Variants in SIPA1L2 observed in about 807,000 individuals in gnomAD.
The protein encoded by SIPA1L2 is signal-induced proliferation-associated 1-like protein 2.
A neutral mutation model predicts 163.9 loss-of-function variants in SIPA1L2; 56 were observed. The ratio of observed to expected loss-of-function variants is 0.34; its 90% CI spans 0.28 to 0.43. The LOEUF is 0.43. Ranked by LOEUF, SIPA1L2 falls within the 20% of genes least tolerant of loss-of-function variation. The pLI is 1.00. For missense variants in SIPA1L2, 1,974 were observed against 2,193.5 expected, an observed-to-expected ratio of 0.90 and a Z score of 2.00; for synonymous variants, 877 against 865.7, an observed-to-expected ratio of 1.01 and a Z score of -0.23.
At chr1:232,602,765 A>G (rs188864159) in intron 1 of SIPA1L2, among the ~76,000 whole-genome samples, 12 of 152,372 alleles carry the variant, frequency 7.9e-5, no homozygotes, top group Admixed American at 5.9e-4. Flanking sequence ...AGACAGCGGT[A>G]TCTACAGAAA....
intron 21 of SIPA1L2, chr1:232,402,733 G>T: frequency 3.6e-6 from 1 of 275,622 alleles, no homozygotes; most frequent in Non-Finnish European, 6.9e-6. Context: ...TATTTAAGTT[G>T]GTTTATCCAA....
chr1:232,604,270 C>T (rs1558298989), intron 1 of SIPA1L2, among the ~76,000 whole-genome samples: 1 of 152,180 alleles, frequency 6.6e-6, no homozygotes, highest in Admixed American at 6.5e-5. Flanking sequence ...TGTATTTTGA[C>T]TTTAAAAACC....
rs887820082 is a variant in SIPA1L2 at position 232,398,082 on chromosome 1, T to A, written c.*1045A>T. 1 of 152,634 alleles carries A rather than the reference T, an allele frequency of 6.6e-6. No homozygotes were observed. The highest frequency in any genetic ancestry group is 2.4e-5 in the African/African-American group (1 of 41,440). The allele number at this position is 152,634 out of a possible 1,614,324, so 9.5% of individuals were successfully genotyped here. On this transcript the variant is annotated 3_prime_UTR_variant, in exon 23 of 23. Transcript: ENST00000674635. ...ACAATGTGTTACTAGCAGCATCCAG[T>A]CGTTAGAATCTCTCACCCTGCTTCT... is the stretch of plus-strand genomic sequence containing the variant.
chr1:232,565,914 T>C (rs1265993333), intron 2 of SIPA1L2, among the ~76,000 whole-genome samples: 1 of 152,224 alleles, frequency 6.6e-6, no homozygotes, highest in African/African-American at 2.4e-5. Flanking sequence ...TAGTATACAC[T>C]GTCAGGGTTA....
chr1:232,507,037 G>GT (rs1237109713), intron 3 of SIPA1L2, among the ~76,000 whole-genome samples: 1 of 152,088 alleles, frequency 6.6e-6, no homozygotes, highest in Non-Finnish European at 1.5e-5. Context: ...AATCAATACT[G>GT]TTATGTTATT....
At chr1:232,437,009 A>G (rs1055977967) in intron 15 of SIPA1L2, among the ~76,000 whole-genome samples, 15 of 152,198 alleles carry the variant, frequency 9.9e-5, no homozygotes, top group African/African-American at 3.6e-4. Flanking sequence ...GGCGGAAGAA[A>G]GTAAAATCAA....
chr1:232,509,156 TCA>T (rs1666869579), intron 3 of SIPA1L2, among the ~76,000 whole-genome samples: 2 of 152,250 alleles, frequency 1.3e-5, no homozygotes, highest in Non-Finnish European at 2.9e-5. Flanking sequence ...AGCGATGTTG[TCA>T]CACAGTTTCC....
intron 12 of SIPA1L2, among the ~76,000 whole-genome samples, chr1:232,443,194 T>C (rs913657226): frequency 6.6e-6 from 1 of 152,208 alleles, no homozygotes; most frequent in East Asian, 1.9e-4. Context: ...GCGTGGATAC[T>C]ATAAAGGGCA....
intron 1 of SIPA1L2, among the ~76,000 whole-genome samples, chr1:232,578,005 T>C (rs996528531): frequency 5.9e-5 from 9 of 152,148 alleles, no homozygotes; most frequent in South Asian, 2.1e-4. Flanking sequence ...GTAAACTTCA[T>C]TGTTGTCTTA....
chr1:232,457,331 T>C (rs1663977800), intron 10 of SIPA1L2, among the ~76,000 whole-genome samples: 1 of 152,210 alleles, frequency 6.6e-6, no homozygotes, highest in Non-Finnish European at 1.5e-5. Flanking sequence ...CGGGAGTTGA[T>C]AAATGGCAAA....
Position 232,398,003 on chromosome 1 carries a change from G to C in SIPA1L2, c.*1124C>G, listed in dbSNP as rs1426892376. On this transcript the variant is annotated 3_prime_UTR_variant, in exon 23 of 23. Coordinates refer to ENST00000674635, the MANE Select transcript of SIPA1L2 (RefSeq NM_020808.5). ...CTTCTTTTAAACATTTATTAAAAAA[G>C]CAAAATGTATGTTCATCTCAAATCT... 1.3e-5 allele frequency: 2 copies of C among 152,476 alleles called. No individual in the cohort carries two copies. Among genetic ancestry groups the C allele is most frequent in the East Asian group, 3.9e-4 (2 of 5,186 alleles). The allele number at this position is 152,476 out of a possible 1,614,324, so 9.4% of individuals were successfully genotyped here. A position where few individuals can be genotyped will look rare whatever the true frequency, so the allele number is the denominator to read the frequency against.
At chr1:232,451,624 T>A (rs556540471) in intron 10 of SIPA1L2, among the ~76,000 whole-genome samples, 2 of 152,300 alleles carry the variant, frequency 1.3e-5, no homozygotes, top group Admixed American at 1.3e-4. Context: ...CAGACCTCAT[T>A]GATACACATG....
chr1:232,620,488 T>A (rs1315235597), intron 1 of SIPA1L2, among the ~76,000 whole-genome samples: 2 of 152,210 alleles, frequency 1.3e-5, no homozygotes, highest in Admixed American at 6.5e-5. Context: ...TTGTTCCTCA[T>A]TCCATGCACA....
At chr1:232,558,497 G>T (rs1199728162) in intron 2 of SIPA1L2, among the ~76,000 whole-genome samples, 1 of 152,238 alleles carries the variant, frequency 6.6e-6, no homozygotes. Flanking sequence ...ACTGAGAAAA[G>T]GCTGGCATTC....
At chr1:232,612,219 G>A (rs1372040277) in intron 1 of SIPA1L2, among the ~76,000 whole-genome samples, 2 of 152,228 alleles carry the variant, frequency 1.3e-5, no homozygotes, top group Non-Finnish European at 2.9e-5. Context: ...TGCTGTAGGG[G>A]CAGGCACTCA....
intron 1 of SIPA1L2, among the ~76,000 whole-genome samples, chr1:232,599,268 CA>C (rs1248948675): frequency 6.6e-6 from 1 of 152,198 alleles, no homozygotes; most frequent in African/African-American, 2.4e-5. Context: ...AAATACCACC[CA>C]CTCTGCCTAG....
chr1:232,493,307 T>C (rs922547706), intron 4 of SIPA1L2, among the ~76,000 whole-genome samples: 1 of 152,200 alleles, frequency 6.6e-6, no homozygotes, highest in African/African-American at 2.4e-5. Flanking sequence ...TTTATAGTAG[T>C]GTGAGAATGA....
chr1:232,571,728 A>G (rs185305490), intron 2 of SIPA1L2, among the ~76,000 whole-genome samples: 1 of 152,262 alleles, frequency 6.6e-6, no homozygotes, highest in Non-Finnish European at 1.5e-5. Context: ...GTTAGTTCAC[A>G]TGAAATATGG....
At chr1:232,464,549 G>A (rs1664408362) in intron 9 of SIPA1L2, among the ~76,000 whole-genome samples, 1 of 152,160 alleles carries the variant, frequency 6.6e-6, no homozygotes, top group African/African-American at 2.4e-5. Context: ...ATTCTACCCA[G>A]ACACTTCTGT....
Sources: gnomAD v4.1 joint callset for allele counts (sites outside exome capture counted in the v4.1 genomes callset) on GRCh38, gnomAD v4.1.1 for gene constraint, MANE v1.5 for transcripts, NCBI Gene and HGNC (gene_info 2026-07-23, HGNC 2026-07-21) for gene names.